SPINK6: variants seen among roughly 807,000 people sequenced by gnomAD.
SPINK6 encodes serine protease inhibitor Kazal-type 6.
Under a neutral mutation model 11.7 loss-of-function variants are expected in SPINK6, and 13 were observed. The ratio of observed to expected loss-of-function variants is 1.11; its 90% CI spans 0.72 to 1.76. The LOEUF is 1.76. Ranked by LOEUF, SPINK6 falls within the 40% of genes most tolerant of loss-of-function variation. The probability of loss-of-function intolerance (pLI) is 0.00; values close to 1 mark genes in which losing one functional copy is unlikely to be tolerated. For missense variants in SPINK6, 98 were observed against 93.7 expected (o/e 1.05, Z -0.19); for synonymous variants, 21 against 31.9 (o/e 0.66, Z 1.15).
chr5:148,211,883 G>C (rs1755603310), intron 2 of SPINK6, among the ~76,000 whole-genome samples: 1 of 152,146 alleles, frequency 6.6e-6, no homozygotes, highest in African/African-American at 2.4e-5. Flanking sequence ...GAGATAATCT[G>C]TGTGAAAGTA....
At position 148,214,927 on chromosome 5, in the gene SPINK6, C is replaced by T; in HGVS notation, c.220C>T (p.Leu74=). The stretch of plus-strand genomic sequence containing the variant: ...TAGGAAAAGTGGTGGAAAGATTAGC[C>T]TAAAGCATCCTGGAAAATGCTGAGT... ...AIVKSGGKIS[L]KHPGKC Residue 74 remains leucine, a synonymous_variant, in exon 4 of 4, where the codon CTA becomes TTA. Coordinates refer to ENST00000325630, the MANE Select transcript of SPINK6 (RefSeq NM_205841.4). 1 of 1,613,582 alleles carries T rather than the reference C, an allele frequency of 6.2e-7. No homozygotes were observed. The highest frequency in any genetic ancestry group is 8.5e-7 in the Non-Finnish European group (1 of 1,179,744).
chr5:148,212,672 A>G, intron 2 of SPINK6, among the ~76,000 whole-genome samples: 1 of 105,556 alleles, frequency 9.5e-6, no homozygotes, highest in South Asian at 2.5e-4. Context: ...ATATTTATAT[A>G]ATATATATTT....
At chr5:148,212,532 T>A (rs1311161829) in intron 2 of SPINK6, among the ~76,000 whole-genome samples, 4 of 120,940 alleles carry the variant, frequency 3.3e-5, no homozygotes, top group Non-Finnish European at 4.8e-5. Context: ...AGTATATATT[T>A]TATATAAGTA....
intron 1 of SPINK6, among the ~76,000 whole-genome samples, chr5:148,203,545 T>C (rs576937134): frequency 6.6e-6 from 1 of 152,304 alleles, no homozygotes; most frequent in Non-Finnish European, 1.5e-5. Context: ...TTAATGTTTG[T>C]TCCATAAAAC....
intron 2 of SPINK6, among the ~76,000 whole-genome samples, chr5:148,212,268 A>C (rs1755608148): frequency 6.6e-6 from 1 of 151,534 alleles, no homozygotes; most frequent in Non-Finnish European, 1.5e-5. Context: ...CATTTTAAAC[A>C]CAGCAACTTA....
intron 2 of SPINK6, among the ~76,000 whole-genome samples, chr5:148,211,616 C>T (rs768300518): frequency 3.9e-5 from 6 of 152,210 alleles, no homozygotes; most frequent in East Asian, 1.9e-4. Context: ...GTGCAGGCAT[C>T]GAGTCCGTTG....
rs1376051662 is a variant in SPINK6, at chr5:148,209,968, A to AC, written c.81+3910_81+3911insC. ...AGGTTTCATATATATGTATACATAC[A>AC]TACGTACGTATGTATGTATACATAT... On this transcript the variant is annotated intron_variant, in intron 2 of 3. Coordinates refer to ENST00000325630, the MANE Select transcript of SPINK6 (RefSeq NM_205841.4). 1.3e-5 allele frequency among the ~76,000 whole-genome samples: 2 copies of AC among 150,360 alleles called. 1 individual carries two copies.
chr5:148,212,447 A>G (rs1269596662), intron 2 of SPINK6, among the ~76,000 whole-genome samples: 1 of 143,468 alleles, frequency 7.0e-6, no homozygotes, highest in East Asian at 2.0e-4. Flanking sequence ...CTAGGGCAAC[A>G]GAGGAAGACT....
intron 2 of SPINK6, among the ~76,000 whole-genome samples, chr5:148,212,570 T>G (rs1190089640): frequency 4.6e-5 from 5 of 109,414 alleles, no homozygotes; most frequent in Admixed American, 1.3e-4. Context: ...ATAATATATA[T>G]TATATATTAT....
Position 148,214,007 on chromosome 5 carries a change from C to T in SPINK6, c.179C>T (p.Ala60Val). 1 of 1,609,544 alleles carries T rather than the reference C, an allele frequency of 6.2e-7. No homozygotes were observed. The highest frequency in any genetic ancestry group is 8.5e-7 in the Non-Finnish European group (1 of 1,175,924). The change falls in exon 3 of 4, where the codon GCC (alanine) becomes GTC (valine). Residue 60 changes from alanine (A) to valine (V), a missense_variant. By Grantham distance (64) the Ala-to-Val change is moderately conservative. Transcript: ENST00000325630. ...GGCCAGACATATGGCAATAAATGTG[C>T]CTTCTGTAAGGCCATAGTGTAAGTA... is the stretch of plus-strand genomic sequence containing the variant. ...SDGQTYGNKC[A>V]FCKAIVKSGG...
intron 2 of SPINK6, among the ~76,000 whole-genome samples, chr5:148,209,222 T>C (rs1755537616): frequency 1.3e-5 from 2 of 152,222 alleles, no homozygotes; most frequent in Non-Finnish European, 1.5e-5. Context: ...ATAACTTAAT[T>C]ACAAATTGAA....
chr5:148,210,013 T>TACATACACAC (rs71583970), intron 2 of SPINK6, among the ~76,000 whole-genome samples: 93 of 143,632 alleles, frequency 6.5e-4, no homozygotes, highest in Middle Eastern at 3.5e-3. Context: ...TATACATGTA[T>TACATACACAC]GTACGCATGT....
intron 2 of SPINK6, among the ~76,000 whole-genome samples, chr5:148,212,379 T>C (rs999644730): frequency 1.3e-5 from 2 of 148,358 alleles, no homozygotes; most frequent in African/African-American, 5.0e-5. Flanking sequence ...ACCTATAATC[T>C]TAGTGACTTG....
Position 148,210,338 on chromosome 5 carries a change from A to ATATG in SPINK6, c.82-3570_82-3567dup, listed in dbSNP as rs10629259. 1.8e-3 allele frequency among the ~76,000 whole-genome samples: 7 copies of ATATG among 3,914 alleles called. 1 individual carries two copies. Among genetic ancestry groups the ATATG allele is most frequent in the Admixed American group, 7.0e-3 (2 of 284 alleles). The allele number at this position is 3,914 out of a possible 152,430, so 2.6% of individuals were successfully genotyped here. A position where few individuals can be genotyped will look rare whatever the true frequency, so the allele number is the denominator to read the frequency against. ...TATGTATGTGTTTCTGCATACATAT[A>ATATG]TATGTGTTTCTGCATACATATATAT... On this transcript the variant is annotated intron_variant, in intron 2 of 3. Coordinates refer to ENST00000325630, the MANE Select transcript of SPINK6 (RefSeq NM_205841.4).
intron 2 of SPINK6, among the ~76,000 whole-genome samples, chr5:148,208,426 T>C (rs1247189412): frequency 6.6e-6 from 1 of 152,184 alleles, no homozygotes; most frequent in African/African-American, 2.4e-5. Flanking sequence ...TCAAGTCTGA[T>C]CCAGCCAGGA....
intron 1 of SPINK6, 53 bp from the exon 2 acceptor site, chr5:148,205,983 A>G (rs2113306913): frequency 6.2e-7 from 1 of 1,601,986 alleles, no homozygotes; most frequent in South Asian, 1.1e-5. Flanking sequence ...TGAAAATTTC[A>G]CTTTTTGTAC....
rs1554112271 is a variant in SPINK6 at position 148,210,007 on chromosome 5, C to CATACACACGTACGTATGG, written c.82-3901_82-3900insACACACGTACGTATGGAT. Among the ~76,000 whole-genome samples the CATACACACGTACGTATGG allele has an allele frequency of 3.8e-5, 4 of 105,734 alleles. 2 individuals are homozygous for CATACACACGTACGTATGG. Among genetic ancestry groups the CATACACACGTACGTATGG allele is most frequent in the Non-Finnish European group, 7.3e-5 (4 of 54,614 alleles). 69.4% of individuals were successfully genotyped at this position (105,734 alleles called of 152,430 possible). On this transcript the variant is annotated intron_variant, in intron 2 of 3. Transcript: ENST00000325630. ...ATGTATACATATACACGTATGTATA[C>CATACACACGTACGTATGG]ATGTATGTACGCATGTACGCATGCA...
chr5:148,209,782 A>G (rs1450528524), intron 2 of SPINK6, among the ~76,000 whole-genome samples: 1 of 152,200 alleles, frequency 6.6e-6, no homozygotes, highest in South Asian at 2.1e-4. Flanking sequence ...AATAAATGGC[A>G]ATGTTTCCAT....
chr5:148,212,952 T>C (rs947576967), intron 2 of SPINK6, among the ~76,000 whole-genome samples: 2 of 147,864 alleles, frequency 1.4e-5, no homozygotes, highest in African/African-American at 2.5e-5. Context: ...TATATATACA[T>C]ATCCTATATA....
Sources: gnomAD v4.1 joint callset for allele counts (sites outside exome capture counted in the v4.1 genomes callset) on GRCh38, gnomAD v4.1.1 for gene constraint, MANE v1.5 for transcripts, NCBI Gene and HGNC (gene_info 2026-07-23, HGNC 2026-07-21) for gene names.